The following GK variants were observed in gnomAD, a reference collection of about 807,000 sequenced individuals.
The protein encoded by GK is ATP:glycerol 3-phosphotransferase.
In GK, 9 loss-of-function variants were observed where a neutral mutation model predicts 56.4. The ratio of observed to expected loss-of-function variants is 0.16; its 90% CI spans 0.10 to 0.28. The LOEUF (loss-of-function observed/expected upper bound fraction) is 0.28, where lower values mean the gene tolerates loss of function less well. GK is among the 10% of genes least tolerant of loss of function. The probability of loss-of-function intolerance (pLI) is 1.00; values close to 1 mark genes in which losing one functional copy is unlikely to be tolerated. For missense variants in GK, 161 were observed against 431.4 expected, an observed-to-expected ratio of 0.37 and a Z score of 5.55; for synonymous variants, 104 against 144.1, an observed-to-expected ratio of 0.72 and a Z score of 1.99.
Position 30,662,765 on chromosome X carries a change from CCT to C in GK, c.79-2745_79-2744del, listed in dbSNP as rs776142204. ...TCTTTCTTTCCTTCCTTCCTTCCTT[CCT>C]TCTCTCTCTCTCTCTCTCTCTTTCT... On this transcript the variant is annotated intron_variant, in intron 1 of 20. Transcript: ENST00000427190. Among the ~76,000 whole-genome samples the C allele has an allele frequency of 6.6e-3, 499 of 75,761 alleles. 5 individuals carry two copies. The highest frequency in any genetic ancestry group is 0.025 in the African/African-American group (412 of 16,561). 65.8% of individuals were successfully genotyped at this position (75,761 alleles called of 115,157 possible). A position where few individuals can be genotyped will look rare whatever the true frequency, so the allele number is the denominator to read the frequency against.
intron 11 of GK, among the ~76,000 whole-genome samples, chrX:30,707,067 A>G (rs1249443125): frequency 8.9e-6 from 1 of 112,090 alleles, no homozygotes; most frequent in African/African-American, 3.2e-5. Context: ...AGTGGCTTAA[A>G]CGTCTGTAAT....
intron 1 of GK, among the ~76,000 whole-genome samples, chrX:30,660,976 C>A (rs1311719174): frequency 9.1e-6 from 1 of 109,337 alleles, no homozygotes; most frequent in Non-Finnish European, 1.9e-5. Context: ...CCATGCCTGG[C>A]AAATTTTTTG....
At chrX:30,672,683 G>A (rs960036823) in intron 3 of GK, among the ~76,000 whole-genome samples, 70 of 111,033 alleles carry the variant, frequency 6.3e-4, no homozygotes, top group Admixed American at 4.8e-4. Context: ...GCATGGTGGC[G>A]CATGCCTGTA....
intron 1 of GK, among the ~76,000 whole-genome samples, chrX:30,656,778 T>A (rs1287359345): frequency 8.8e-6 from 1 of 113,021 alleles, no homozygotes; most frequent in Admixed American, 9.4e-5. Flanking sequence ...TAAAGACTGT[T>A]CAGAGAGTGT....
chrX:30,661,082 G>A (rs1272388582), intron 1 of GK, among the ~76,000 whole-genome samples: 1 of 110,727 alleles, frequency 9.0e-6, no homozygotes, highest in Non-Finnish European at 1.9e-5. Context: ...AAAGTGCTGG[G>A]ATTATAGGCA....
rs1437310701 is a variant in GK, at chrX:30,731,329, A to T, written c.*2587A>T. On this transcript the variant is annotated 3_prime_UTR_variant, in exon 21 of 21. Transcript: ENST00000427190. ...CAACATAGTAGATAGAAGTACAAAA[A>T]TTTTTTTAACTATAACTCTTTAATA... 1 of 111,913 alleles carries T rather than the reference A, an allele frequency of 8.9e-6. No homozygotes were observed. The highest frequency in any genetic ancestry group is 3.2e-5 in the African/African-American group (1 of 30,828). The allele number at this position is 111,913 out of a possible 1,213,427, so 9.2% of individuals were successfully genotyped here. A position where few individuals can be genotyped will look rare whatever the true frequency, so the allele number is the denominator to read the frequency against.
rs1365230474 is a variant in GK at position 30,677,527 on chromosome X, G to C, written c.337+75G>C. The stretch of plus-strand genomic sequence containing the variant: ...AAATGTGGTCATATTAAAATATCTT[G>C]CTAAAAAAGCATGCAGTCGCCAGGC... On this transcript the variant is annotated intron_variant, in intron 4 of 20. Coordinates refer to ENST00000427190, the MANE Select transcript of GK (RefSeq NM_001205019.2). The C allele has an allele frequency of 1.7e-5, 11 of 651,119 alleles. No individual in the cohort carries two copies. The East Asian group carries it at 3.6e-4, about 21-fold the overall frequency. The allele number at this position is 651,119 out of a possible 1,213,427, so 53.7% of individuals were successfully genotyped here. A position where few individuals can be genotyped will look rare whatever the true frequency, so the allele number is the denominator to read the frequency against.
intron 13 of GK, among the ~76,000 whole-genome samples, chrX:30,712,699 G>A (rs1936389396): frequency 2.0e-5 from 2 of 100,301 alleles, no homozygotes; most frequent in Admixed American, 2.1e-4. Flanking sequence ...TAAGTTTGTT[G>A]GATTTCTTTT....
At chrX:30,700,729 A>G in intron 10 of GK, 109 bp from the exon 11 acceptor site, 1 of 572,779 alleles carries the variant, frequency 1.7e-6, no homozygotes, top group Non-Finnish European at 2.9e-6. Context: ...AAGGAAATAG[A>G]CAGTTCATTC....
intron 1 of GK, among the ~76,000 whole-genome samples, chrX:30,657,544 TTGTAA>T (rs1233829158): frequency 2.1e-4 from 24 of 112,874 alleles, no homozygotes; most frequent in African/African-American, 7.4e-4. Flanking sequence ...TTTAAAAGAC[TTGTAA>T]TGTGTTGTGG....
chrX:30,720,843 T>A lies in GK; in HGVS notation c.1358-9T>A, dbSNP rs751341231. ...CCACAAAGATATTGATGGAACTCTC[T>A]CTCCTCAGTGAAGCCCTCAATGCCC... is the stretch of plus-strand genomic sequence containing the variant. On this transcript the variant is annotated splice_polypyrimidine_tract_variant and intron_variant, in intron 17 of 20. Coordinates refer to ENST00000427190, the MANE Select transcript of GK (RefSeq NM_001205019.2). The A allele has an allele frequency of 1.2e-5, 15 of 1,211,712 alleles. No individual in the cohort carries two copies. The highest frequency in any genetic ancestry group is 1.6e-5 in the Non-Finnish European group (14 of 895,231).
intron 6 of GK, among the ~76,000 whole-genome samples, 199 bp downstream of exon 6, chrX:30,694,736 C>G (rs1935158949): frequency 1.8e-5 from 2 of 111,414 alleles, no homozygotes; most frequent in Admixed American, 9.6e-5. Context: ...TTTTTCTTGT[C>G]TTACTTCAGT....
At chrX:30,699,864 T>C (rs1935547816) in intron 9 of GK, 1 of 111,904 alleles carries the variant, frequency 8.9e-6, no homozygotes, top group African/African-American at 3.3e-5. Context: ...TATCTAAATT[T>C]GAAGAAAGAT....
At chrX:30,678,036 AC>A in intron 4 of GK, 1 of 544,322 alleles carries the variant, frequency 1.8e-6, no homozygotes, top group Non-Finnish European at 3.4e-6. Context: ...TTGTTTTATA[AC>A]CCCTGCTGTT....
chrX:30,709,000 TATA>T (rs754074157), intron 13 of GK, among the ~76,000 whole-genome samples: 3 of 111,636 alleles, frequency 2.7e-5, no homozygotes, highest in East Asian at 5.7e-4. Context: ...CCATAAACAC[TATA>T]ATATTTCTCC....
chrX:30,668,053 A>G lies in GK; in HGVS notation c.194A>G (p.Tyr65Cys). Residue 65 changes from tyrosine (Y) to cysteine (C), a missense_variant, in exon 3 of 21, where the codon TAT becomes TGT. Transcript: ENST00000427190. ...QDPKEILHSV[Y>C]ECIEKTCEKL... ...CCTAAGGAAATTCTACATTCTGTCT[A>G]TGAGTGTATAGAGAAAACATGTGAG... 2.6e-6 allele frequency: 3 copies of G among 1,136,222 alleles called. No homozygotes were observed. The highest frequency in any genetic ancestry group is 3.6e-5 in the South Asian group (2 of 55,516). The allele number at this position is 1,136,222 out of a possible 1,213,427, so 93.6% of individuals were successfully genotyped here.
At chrX:30,670,534 C>T (rs770936207) in intron 3 of GK, among the ~76,000 whole-genome samples, 1 of 111,843 alleles carries the variant, frequency 8.9e-6, no homozygotes, top group Non-Finnish European at 1.9e-5. Context: ...ATCTGTACAA[C>T]TACCATCCTC....
At chrX:30,657,191 A>T (rs1433887846) in intron 1 of GK, among the ~76,000 whole-genome samples, 5 of 112,716 alleles carry the variant, frequency 4.4e-5, no homozygotes, top group African/African-American at 6.4e-5. Context: ...CTTACCTCTT[A>T]AAACATTCTT....
At chrX:30,665,950 T>C (rs1196920472) in intron 2 of GK, among the ~76,000 whole-genome samples, 2 of 112,347 alleles carry the variant, frequency 1.8e-5, no homozygotes, top group Non-Finnish European at 3.8e-5. Context: ...TTTAAAAAAG[T>C]ATTCACATAT....
Sources: gnomAD v4.1 joint callset for allele counts (sites outside exome capture counted in the v4.1 genomes callset) on GRCh38, gnomAD v4.1.1 for gene constraint, MANE v1.5 for transcripts, NCBI Gene and HGNC (gene_info 2026-07-23, HGNC 2026-07-21) for gene names.